Variants in PKHD1 observed in about 807,000 individuals in gnomAD.
The protein encoded by PKHD1 is PKHD1 ciliary IPT domain containing fibrocystin/polyductin.
PKHD1 carries 291 observed loss-of-function variants against 412.0 expected under a neutral mutation model. The observed-to-expected ratio is 0.71, with a 90% CI of 0.64 to 0.78. The LOEUF is 0.78. PKHD1 is among the 30% of genes least tolerant of loss of function. The pLI is 0.00. For missense variants in PKHD1, 4,825 were observed against 4,950.7 expected (o/e 0.97, Z 0.76); for synonymous variants, 1,777 against 1,821.5 (o/e 0.98, Z 0.62).
intron 61 of PKHD1, among the ~76,000 whole-genome samples, chr6:51,652,079 G>C (rs1771066197): frequency 2.6e-5 from 4 of 152,158 alleles, no homozygotes; most frequent in Admixed American, 2.0e-4. Flanking sequence ...CCTGCAGGCA[G>C]AAGGACCTAC....
chr6:51,964,647 T>C (rs992749046), intron 35 of PKHD1, among the ~76,000 whole-genome samples: 6 of 152,140 alleles, frequency 3.9e-5, no homozygotes, highest in Admixed American at 3.3e-4. Context: ...AATGAATAAA[T>C]GGTCAACTCT....
At chr6:51,823,415 G>C (rs1329454058) in intron 52 of PKHD1, among the ~76,000 whole-genome samples, 1 of 152,124 alleles carries the variant, frequency 6.6e-6, no homozygotes, top group Non-Finnish European at 1.5e-5. Flanking sequence ...CCATGACAAT[G>C]AGTGTGTTTC....
rs755771472 is a variant in PKHD1, at chr6:52,080,002, C to T, written c.288G>A (p.Val96=). The T allele has an allele frequency of 1.1e-5, 17 of 1,586,370 alleles. No homozygotes were observed. The South Asian group carries it at 1.8e-4, about 16-fold the overall frequency. ...ACAGACCCTCATGTGCTTCAGACAG[C>T]ACAGATCTGAGGACAGAAAGTGGAA... is the stretch of plus-strand genomic sequence containing the variant. ...LPVVTCRTRS[V]LSEAHEGLYF... Residue 96 remains valine, a synonymous_variant, in exon 5 of 67, where the codon GTG becomes GTA. Transcript: ENST00000371117.
In PKHD1 at chr6:51,850,331, G is replaced by A. The variant is rs149443469; in HGVS notation, c.7912-2361C>T. ...ATACTTTGAAGTCAGGTAGTGTGAT[G>A]CCTCCAGCTTTGTTCTTTTGCTTAG... On this transcript the variant is annotated intron_variant, in intron 49 of 66. Coordinates refer to ENST00000371117, the MANE Select transcript of PKHD1 (RefSeq NM_138694.4). Among the ~76,000 whole-genome samples, 729 of 152,312 alleles carry A rather than the reference G, an allele frequency of 4.8e-3. 6 individuals carry two copies. The highest frequency in any genetic ancestry group is 7.0e-3 in the Non-Finnish European group (475 of 68,026).
chr6:51,766,666 A>G (rs1789085654), intron 55 of PKHD1, among the ~76,000 whole-genome samples: 1 of 151,624 alleles, frequency 6.6e-6, no homozygotes, highest in Non-Finnish European at 1.5e-5. Flanking sequence ...CTTCATCTGT[A>G]CTATTGTATG....
At chr6:51,982,890 T>TAAAATAAAAAA (rs1795723598) in intron 35 of PKHD1, among the ~76,000 whole-genome samples, 5 of 37,566 alleles carry the variant, frequency 1.3e-4, no homozygotes, top group Admixed American at 4.5e-4. Context: ...TAAAATAAAA[T>TAAAATAAAAAA]AAAAAAAAGA....
chr6:51,881,075 C>CTTTTTTTT (rs371470393), intron 46 of PKHD1, among the ~76,000 whole-genome samples: 6 of 134,052 alleles, frequency 4.5e-5, no homozygotes, highest in Non-Finnish European at 4.8e-5. Context: ...CTTTTTCTTT[C>CTTTTTTTT]TTTTTTTTTT....
chr6:51,760,349 T>A (rs966031681), intron 55 of PKHD1, among the ~76,000 whole-genome samples: 1 of 152,078 alleles, frequency 6.6e-6, no homozygotes, highest in Non-Finnish European at 1.5e-5. Flanking sequence ...ATAACAAAAA[T>A]ATATCTCTCC....
chr6:51,958,374 G>A lies in PKHD1; in HGVS notation c.5908+1496C>T, dbSNP rs563414707. ...ATGCTAAGAAAAACCACTATTGGAGGTTGGGGCAAGTATTGGGATTGCTCA... is the reference window on the plus strand; with the variant it reads ...ATGCTAAGAAAAACCACTATTGGAGATTGGGGCAAGTATTGGGATTGCTCA... On this transcript the variant is annotated intron_variant, in intron 36 of 66. Transcript: ENST00000371117. Among the ~76,000 whole-genome samples the A allele has an allele frequency of 3.9e-5, 6 of 152,200 alleles. 1 individual carries two copies. In the South Asian group the frequency reaches 1.0e-3, roughly 26 times the overall value.
At chr6:51,810,739 G>A (rs1322737062) in intron 52 of PKHD1, among the ~76,000 whole-genome samples, 1 of 152,182 alleles carries the variant, frequency 6.6e-6, no homozygotes, top group Non-Finnish European at 1.5e-5. Context: ...ACACAGAGTA[G>A]TATAGGCAGA....
At chr6:51,780,085 C>T (rs993672807) in intron 53 of PKHD1, among the ~76,000 whole-genome samples, 2 of 151,964 alleles carry the variant, frequency 1.3e-5, no homozygotes, top group Admixed American at 1.3e-4. Context: ...TCAAAGAATA[C>T]CATTAAGAAA....
At chr6:51,921,772 C>T (rs181067267) in intron 37 of PKHD1, among the ~76,000 whole-genome samples, 4 of 152,322 alleles carry the variant, frequency 2.6e-5, no homozygotes, top group Admixed American at 2.6e-4. Context: ...TGGTTTTCAG[C>T]TCCATCAGGT....
At chr6:52,006,726 G>A (rs1325127713) in intron 35 of PKHD1, among the ~76,000 whole-genome samples, 3 of 152,132 alleles carry the variant, frequency 2.0e-5, no homozygotes, top group Non-Finnish European at 4.4e-5. Context: ...TGGGGGAACA[G>A]ATGGCATTTG....
At chr6:51,866,499 G>C (rs1240388312) in intron 48 of PKHD1, among the ~76,000 whole-genome samples, 1 of 152,086 alleles carries the variant, frequency 6.6e-6, no homozygotes, top group African/African-American at 2.4e-5. Flanking sequence ...AGATCTCAAA[G>C]AGCAAATGCT....
At chr6:51,847,513 C>G (rs1424320969) in intron 50 of PKHD1, among the ~76,000 whole-genome samples, 1 of 152,112 alleles carries the variant, frequency 6.6e-6, no homozygotes, top group Non-Finnish European at 1.5e-5. Context: ...ATTTCCTATC[C>G]TTTGAGGTAG....
intron 60 of PKHD1, among the ~76,000 whole-genome samples, chr6:51,684,624 A>C (rs1336652279): frequency 6.6e-6 from 1 of 152,084 alleles, no homozygotes. Flanking sequence ...GACTGTGGAT[A>C]AGGTTTGCCC....
At chr6:51,753,503 C>A in intron 56 of PKHD1, 150 bp from the exon 57 acceptor site, 1 of 706,864 alleles carries the variant, frequency 1.4e-6, no homozygotes, top group South Asian at 1.5e-5. Flanking sequence ...GGGGCATTCT[C>A]CACAAAGGTC....
chr6:51,802,091 C>A (rs1294475242), intron 52 of PKHD1, among the ~76,000 whole-genome samples: 1 of 152,092 alleles, frequency 6.6e-6, no homozygotes, highest in Non-Finnish European at 1.5e-5. Flanking sequence ...TCATCCCAGG[C>A]TTTATTATTA....
intron 43 of PKHD1, among the ~76,000 whole-genome samples, chr6:51,891,098 T>C (rs982757700): frequency 5.3e-5 from 8 of 152,202 alleles, no homozygotes; most frequent in Non-Finnish European, 4.4e-5. Context: ...TCAGTAAGGA[T>C]GGATTGAGAG....
Sources: allele counts gnomAD v4.1 joint callset (sites outside exome capture counted in the v4.1 genomes callset), GRCh38; gene constraint gnomAD v4.1.1; transcripts MANE v1.5; gene names NCBI Gene and HGNC (gene_info 2026-07-23, HGNC 2026-07-21).